The following TG variants were observed in gnomAD, a reference collection of about 807,000 sequenced individuals.
TG encodes thyroid hormones.
In TG, 270 loss-of-function variants were observed where a neutral mutation model predicts 324.7. The ratio of observed to expected loss-of-function variants is 0.83; its 90% confidence interval spans 0.75 to 0.92. TG has a LOEUF of 0.92. TG is among the 40% of genes least tolerant of loss of function. The pLI is 0.00. For synonymous variants in TG, 1,401 were observed against 1,327.0 expected, an observed-to-expected ratio of 1.06 and a Z score of -1.21; for missense variants, 3,591 against 3,456.4, an observed-to-expected ratio of 1.04 and a Z score of -0.98.
At position 132,897,782 on chromosome 8, in the gene TG, G is replaced by T; in HGVS notation, c.3135G>T (p.Gly1045=). ...GSWEPVQCHA[G]TGHCWCVDEK... ...GGGAGCCTGTGCAGTGCCACGCTGG[G>T]ACTGGTAAGGAGGGATAGGCACCTT... The change falls in exon 12 of 48, where the codon GGG becomes GGT. Residue 1045 remains glycine (G), a synonymous_variant. Coordinates refer to ENST00000220616, the MANE Select transcript of TG (RefSeq NM_003235.5). 6.2e-7 allele frequency: 1 copy of T among 1,614,200 alleles called. No individual in the cohort carries two copies. The highest frequency in any genetic ancestry group is 8.5e-7 in the Non-Finnish European group (1 of 1,180,032).
intron 40 of TG, 80 bp from the exon 41 acceptor site, chr8:133,029,741 C>T: frequency 2.5e-6 from 4 of 1,570,904 alleles, no homozygotes; most frequent in East Asian, 2.2e-5. Context: ...CGCATATATG[C>T]CTGCCATAGA....
intron 15 of TG, 94 bp from the exon 16 acceptor site, chr8:132,901,259 T>G: frequency 2.7e-6 from 4 of 1,478,906 alleles, no homozygotes; most frequent in South Asian, 1.1e-5. Flanking sequence ...GCAGGTGGGC[T>G]GAGGGTGGCC....
rs1388944024 is a variant in TG at position 133,019,539 on chromosome 8, G to C, written c.6783-63G>C. ...AATGGGGTAGTGGGCTCTGACCATG[G>C]TGGTGGGTGGGGAGGGGTGGTGATG... On this transcript the variant is annotated intron_variant, in intron 38 of 47. Coordinates refer to ENST00000220616, the MANE Select transcript of TG (RefSeq NM_003235.5). 3 of 1,425,314 alleles carry C rather than the reference G, an allele frequency of 2.1e-6. No homozygotes were observed. In the African/African-American group the frequency reaches 4.2e-5, roughly 20 times the overall value. 88.3% of individuals were successfully genotyped at this position (1,425,314 alleles called of 1,614,324 possible). A position where few individuals can be genotyped will look rare whatever the true frequency, so the allele number is the denominator to read the frequency against.
chr8:133,045,206 AC>A (rs1395832107), intron 41 of TG: 1 of 1,346,684 alleles, frequency 7.4e-7, no homozygotes, highest in African/African-American at 1.4e-5. Flanking sequence ...AGGCAGGGAG[AC>A]CTGCCCACCC....
chr8:132,956,054 CTG>C (rs1826816690), intron 27 of TG, among the ~76,000 whole-genome samples: 2 of 152,320 alleles, frequency 1.3e-5, no homozygotes, highest in Non-Finnish European at 2.9e-5. Context: ...GCAGTCAAAA[CTG>C]TGATCATTTA....
chr8:132,976,736 C>T lies in TG; in HGVS notation c.6199+3995C>T, dbSNP rs531198881. Among the ~76,000 whole-genome samples the T allele has an allele frequency of 7.9e-4, 121 of 152,286 alleles. 1 individual carries two copies. The highest frequency in any genetic ancestry group is 1.3e-3 in the Non-Finnish European group (86 of 68,028). ...CTTATGGGCATTCTGGTGTGAGTGG[C>T]TCCGTGGTTCTCATTTCAGAACAGA... On this transcript the variant is annotated intron_variant, in intron 34 of 47. Transcript: ENST00000220616.
intron 41 of TG, among the ~76,000 whole-genome samples, chr8:133,077,429 C>G (rs1413468676): frequency 6.6e-6 from 1 of 152,140 alleles, no homozygotes; most frequent in Admixed American, 6.5e-5. Context: ...GCTAACCTCC[C>G]CTGACCCCCA....
chr8:133,002,727 T>C (rs1017164727), intron 35 of TG: 63 of 250,540 alleles, frequency 2.5e-4, no homozygotes, highest in African/African-American at 1.4e-3. Context: ...TACCCTTCTC[T>C]TGGGCTTCTT....
At position 132,941,505 on chromosome 8, in the gene TG, G is replaced by A. The variant is rs776245203; in HGVS notation, c.5196G>A (p.Leu1732=). ...LFCLLACDRD[L]CCDGFVLTQV... ...GTCTTCTTGCATGCGACCGTGATCTGTGTTGCGATGGCTTCGTCCTCACAC... is the reference window on the plus strand; with the variant it reads ...GTCTTCTTGCATGCGACCGTGATCTATGTTGCGATGGCTTCGTCCTCACAC... Residue 1732 remains leucine, a synonymous_variant, in exon 26 of 48, where the codon CTG becomes CTA. Transcript: ENST00000220616. The A allele has an allele frequency of 1.5e-5, 24 of 1,614,080 alleles. No individual in the cohort carries two copies. The South Asian group carries it at 2.6e-4, about 18-fold the overall frequency.
At chr8:132,879,151 T>C (rs1337238355) in intron 5 of TG, among the ~76,000 whole-genome samples, 2 of 152,214 alleles carry the variant, frequency 1.3e-5, no homozygotes, top group African/African-American at 2.4e-5. Context: ...GCATAGATGG[T>C]GATATCATTT....
intron 22 of TG, among the ~76,000 whole-genome samples, chr8:132,926,069 G>A (rs1231846666): frequency 6.6e-6 from 1 of 152,156 alleles, no homozygotes; most frequent in Non-Finnish European, 1.5e-5. Flanking sequence ...CACTAAGCTG[G>A]GCCCTCACTG....
In TG at chr8:132,972,671, G is replaced by A; in HGVS notation, c.6129G>A (p.Trp2043Ter). The change falls in exon 34 of 48, where the codon TGG becomes TGA. Residue 2043 changes from tryptophan (W) to a stop codon, truncating the protein, a stop_gained. Coordinates refer to ENST00000220616, the MANE Select transcript of TG (RefSeq NM_003235.5). LOFTEE classifies it high-confidence loss of function. The stretch of plus-strand genomic sequence containing the variant: ...GCAGTGAGGAGAATGGAGGAGCCTG[G>A]CGCATTTTGGACTGTGGCTCTCCTG... Reference protein sequence around the residue: ...QMCSEENGGAWRILDCGSPDI... With the variant: ...QMCSEENGGA 1 of 1,613,626 alleles carries A rather than the reference G, an allele frequency of 6.2e-7. No individual in the cohort carries two copies. The highest frequency in any genetic ancestry group is 8.5e-7 in the Non-Finnish European group (1 of 1,179,938).
At chr8:132,900,195 A>AT (rs1307303022) in intron 14 of TG, 42 bp from the exon 15 acceptor site, 1 of 1,584,156 alleles carries the variant, frequency 6.3e-7, no homozygotes, top group East Asian at 2.2e-5. Flanking sequence ...CCACTAGAGC[A>AT]TCTTGCCCAC....
intron 41 of TG, among the ~76,000 whole-genome samples, chr8:133,044,298 C>T (rs1271167316): frequency 6.6e-6 from 1 of 152,158 alleles, no homozygotes; most frequent in Non-Finnish European, 1.5e-5. Flanking sequence ...GTATCCTACA[C>T]TCTTCCAGCC....
intron 11 of TG, 96 bp from the exon 12 acceptor site, chr8:132,897,553 C>T: frequency 1.3e-6 from 2 of 1,538,570 alleles, no homozygotes; most frequent in South Asian, 2.2e-5. Context: ...AGAAGGCCTC[C>T]TTATGTTGGA....
At chr8:132,869,956 T>A in intron 3 of TG, 130 bp downstream of exon 3, 1 of 736,738 alleles carries the variant, frequency 1.4e-6, no homozygotes, top group Non-Finnish European at 2.3e-6. Flanking sequence ...CCTCTGTGAA[T>A]AAGAATCATC....
At chr8:133,134,325 G>A (rs1019941366) in intron 47 of TG, among the ~76,000 whole-genome samples, 1 of 152,134 alleles carries the variant, frequency 6.6e-6, no homozygotes, top group Non-Finnish European at 1.5e-5. Flanking sequence ...AGGTGATGCT[G>A]GGCTGTGGTT....
At chr8:132,899,837 T>C (rs775806455) in intron 14 of TG, among the ~76,000 whole-genome samples, 1 of 152,178 alleles carries the variant, frequency 6.6e-6, no homozygotes, top group Non-Finnish European at 1.5e-5. Context: ...TGTGGAGGAC[T>C]CTAGTACTTG....
intron 37 of TG, among the ~76,000 whole-genome samples, chr8:133,013,986 T>C (rs1031448478): frequency 1.3e-5 from 2 of 152,254 alleles, no homozygotes; most frequent in Non-Finnish European, 2.9e-5. Flanking sequence ...ATCTTGGTTT[T>C]GAAGCTTCTT....
Sources: allele counts gnomAD v4.1 joint callset (sites outside exome capture counted in the v4.1 genomes callset), GRCh38; gene constraint gnomAD v4.1.1; transcripts MANE v1.5; gene names NCBI Gene and HGNC (gene_info 2026-07-23, HGNC 2026-07-21).